Variants in ANK3 observed in about 807,000 individuals in gnomAD.
ANK3 encodes the protein ankyrin-3.
ANK3 carries 57 observed loss-of-function variants against 370.9 expected under a neutral mutation model. The ratio of observed to expected loss-of-function variants is 0.15; its 90% confidence interval spans 0.12 to 0.19. The LOEUF (loss-of-function observed/expected upper bound fraction) is 0.19. ANK3 is among the 10% of genes least tolerant of loss of function. ANK3 has a pLI of 1.00. For missense variants in ANK3, 4,439 were observed against 5,302.1 expected (o/e 0.84, Z 5.06); for synonymous variants, 1,929 against 1,946.3 (o/e 0.99, Z 0.23).
intron 1 of ANK3, among the ~76,000 whole-genome samples, chr10:60,358,900 C>A (rs1211959931): frequency 6.6e-6 from 1 of 151,888 alleles, no homozygotes; most frequent in East Asian, 1.9e-4. Context: ...CAAATGTCAT[C>A]TCTTCTGAGA....
At chr10:60,259,448 T>C (rs1474175125) in intron 7 of ANK3, among the ~76,000 whole-genome samples, 1 of 152,204 alleles carries the variant, frequency 6.6e-6, no homozygotes, top group Non-Finnish European at 1.5e-5. Flanking sequence ...AGTCTGAATT[T>C]TAACATATTT....
intron 2 of ANK3, among the ~76,000 whole-genome samples, chr10:60,431,478 G>T (rs1488997665): frequency 6.6e-6 from 1 of 152,154 alleles, no homozygotes; most frequent in Non-Finnish European, 1.5e-5. Flanking sequence ...GTGCAGCCCG[G>T]TTCCTAACAG....
At chr10:60,138,765 C>T in intron 24 of ANK3, 199 bp downstream of exon 24, 1 of 653,746 alleles carries the variant, frequency 1.5e-6, no homozygotes, top group Non-Finnish European at 2.5e-6. Context: ...TTAACATGTT[C>T]AATCACATGA....
At chr10:60,243,206 TA>T (rs1213678337) in intron 7 of ANK3, among the ~76,000 whole-genome samples, 1 of 152,220 alleles carries the variant, frequency 6.6e-6, no homozygotes, top group Non-Finnish European at 1.5e-5. Flanking sequence ...CTCTTATCTG[TA>T]AAATTAGGCT....
At chr10:60,435,541 T>C (rs2064134775) in intron 2 of ANK3, among the ~76,000 whole-genome samples, 2 of 152,332 alleles carry the variant, frequency 1.3e-5, no homozygotes, top group Non-Finnish European at 2.9e-5. Flanking sequence ...TCAGATATAA[T>C]ATTCTCCCAT....
At chr10:60,313,524 T>C (rs72822266) in intron 1 of ANK3, among the ~76,000 whole-genome samples, 2 of 152,184 alleles carry the variant, frequency 1.3e-5, no homozygotes, top group Non-Finnish European at 2.9e-5. Context: ...TCTCTTTGCC[T>C]GTCCTCCAGG....
At chr10:60,418,276 A>G (rs2063709864) in intron 2 of ANK3, among the ~76,000 whole-genome samples, 1 of 152,128 alleles carries the variant, frequency 6.6e-6, no homozygotes, top group Non-Finnish European at 1.5e-5. Context: ...CAATAAATAT[A>G]CACCACACTG....
In ANK3 at chr10:60,537,631, G is replaced by A. The variant is rs73265796; in HGVS notation, c.96+77555C>T. 6.0e-3 allele frequency among the ~76,000 whole-genome samples: 918 copies of A among 151,970 alleles called. 10 individuals are homozygous for A. The highest frequency in any genetic ancestry group is 0.021 in the African/African-American group (888 of 41,490). On this transcript the variant is annotated intron_variant, in intron 2 of 43. Transcript: ENST00000373827. ...CTTTTGAAATTTATGGAAGAAAATGGAAATTAATTTATGTCATGGAAAAAC... is the reference window on the plus strand; with the variant it reads ...CTTTTGAAATTTATGGAAGAAAATGAAAATTAATTTATGTCATGGAAAAAC...
At chr10:60,604,668 A>G (rs2078106488) in intron 2 of ANK3, among the ~76,000 whole-genome samples, 1 of 152,162 alleles carries the variant, frequency 6.6e-6, no homozygotes, top group African/African-American at 2.4e-5. Flanking sequence ...AATTTGCAAA[A>G]AGTAAAAAAG....
intron 23 of ANK3, among the ~76,000 whole-genome samples, chr10:60,155,534 C>G (rs746932750): frequency 1.3e-5 from 2 of 152,180 alleles, no homozygotes; most frequent in Non-Finnish European, 2.9e-5. Context: ...AGCTCTGGTG[C>G]TACCCTGGTC....
chr10:60,465,738 G>A (rs1595083545), intron 2 of ANK3, among the ~76,000 whole-genome samples: 2 of 150,578 alleles, frequency 1.3e-5, no homozygotes, highest in Admixed American at 1.3e-4. Context: ...ATGCTTTACA[G>A]CAGTGTAAGA....
intron 2 of ANK3, among the ~76,000 whole-genome samples, chr10:60,604,338 G>A (rs1348171787): frequency 6.6e-6 from 1 of 152,096 alleles, no homozygotes; most frequent in Non-Finnish European, 1.5e-5. Flanking sequence ...CTTTGAGGTG[G>A]AGCTCACCTT....
In ANK3 at chr10:60,176,546, G is replaced by A. The variant is rs149880142; in HGVS notation, c.2185-3360C>T. On this transcript the variant is annotated intron_variant, in intron 18 of 43. Coordinates refer to ENST00000280772, the MANE Select transcript of ANK3 (RefSeq NM_020987.5). The stretch of plus-strand genomic sequence containing the variant: ...GGAGGCCGAGGCCGGCGGATCACCC[G>A]AGGTCAGGAGCTCGAGATCAGCCTG... Among the ~76,000 whole-genome samples, 1,162 of 152,144 alleles carry A rather than the reference G, an allele frequency of 7.6e-3. 13 individuals carry two copies. The highest frequency in any genetic ancestry group is 0.026 in the African/African-American group (1,078 of 41,518).
chr10:60,044,995 A>T (rs1295975505), intron 42 of ANK3, among the ~76,000 whole-genome samples: 2 of 152,226 alleles, frequency 1.3e-5, no homozygotes, highest in South Asian at 2.1e-4. Context: ...AGGCAAAAAA[A>T]TAGATAAAAT....
chr10:60,555,558 C>T (rs376627605), intron 2 of ANK3, among the ~76,000 whole-genome samples: 11 of 151,984 alleles, frequency 7.2e-5, no homozygotes, highest in South Asian at 2.1e-4. Context: ...TAAAAGCATT[C>T]GGGTATGAAG....
At chr10:60,573,091 A>C (rs1291567833) in intron 2 of ANK3, 1 of 754,062 alleles carries the variant, frequency 1.3e-6, no homozygotes, top group African/African-American at 1.9e-5. Flanking sequence ...GGCATACCGG[A>C]GGAGGCAGTC....
chr10:60,603,728 C>T (rs1367749216), intron 2 of ANK3, among the ~76,000 whole-genome samples: 1 of 152,064 alleles, frequency 6.6e-6, no homozygotes, highest in Non-Finnish European at 1.5e-5. Context: ...ACCCAGACTG[C>T]AATTTTGCCA....
intron 7 of ANK3, among the ~76,000 whole-genome samples, chr10:60,241,331 A>G (rs374631695): frequency 1.3e-5 from 2 of 152,344 alleles, no homozygotes; most frequent in African/African-American, 4.8e-5. Context: ...AAAAGTAAAT[A>G]CGATTGTAAT....
rs72822806 is a variant in ANK3 at position 60,544,954 on chromosome 10, A to G, written c.96+70232T>C. On this transcript the variant is annotated intron_variant, in intron 2 of 43. Coordinates refer to the ANK3 transcript ENST00000373827. ...ATTTTAGGGCGTGGACAATATTTTC[A>G]GAAATGGAGTGTTGTGCCATGTTAT... 5.4e-3 allele frequency among the ~76,000 whole-genome samples: 820 copies of G among 152,126 alleles called. 4 individuals are homozygous for G. Among genetic ancestry groups the G allele is most frequent in the Middle Eastern group, 0.01 (3 of 294 alleles).
Sources: allele counts gnomAD v4.1 joint callset (sites outside exome capture counted in the v4.1 genomes callset), GRCh38; gene constraint gnomAD v4.1.1; transcripts MANE v1.5; gene names NCBI Gene and HGNC (gene_info 2026-07-23, HGNC 2026-07-21).